GRID2: variants seen among roughly 807,000 people sequenced by gnomAD.
GRID2 encodes the protein glutamate receptor ionotropic, delta-2.
GRID2 carries 33 observed loss-of-function variants against 114.8 expected under a neutral mutation model. The observed-to-expected ratio is 0.29, with a 90% CI of 0.22 to 0.38. The LOEUF is 0.38. GRID2 is among the 10% of genes least tolerant of loss of function. The pLI, the probability that GRID2 is intolerant of heterozygous loss-of-function variation, is 1.00. For missense variants in GRID2, 1,184 were observed against 1,257.7 expected (o/e 0.94, Z 0.89); for synonymous variants, 505 against 449.9 (o/e 1.12, Z -1.55).
chr4:93,288,962 T>C (rs1753459802), intron 8 of GRID2, among the ~76,000 whole-genome samples: 1 of 152,228 alleles, frequency 6.6e-6, no homozygotes, highest in South Asian at 2.1e-4. Context: ...TTTCCTGCAA[T>C]TTTCTTTCAA....
At chr4:93,088,351 A>G (rs1200598306) in intron 3 of GRID2, among the ~76,000 whole-genome samples, 1 of 152,170 alleles carries the variant, frequency 6.6e-6, no homozygotes, top group Non-Finnish European at 1.5e-5. Flanking sequence ...GGAAATATTC[A>G]TTGCTCACTT....
intron 2 of GRID2, among the ~76,000 whole-genome samples, chr4:92,826,148 C>T (rs925925782): frequency 6.6e-6 from 1 of 152,110 alleles, no homozygotes; most frequent in Non-Finnish European, 1.5e-5. Flanking sequence ...TGCTCTGTCT[C>T]CTCCTTTCCT....
At chr4:93,004,772 C>T (rs767840037) in intron 2 of GRID2, among the ~76,000 whole-genome samples, 1 of 152,024 alleles carries the variant, frequency 6.6e-6, no homozygotes, top group African/African-American at 2.4e-5. Flanking sequence ...TGAAATTGTA[C>T]TTATCAAGGT....
intron 2 of GRID2, among the ~76,000 whole-genome samples, chr4:92,863,370 C>G (rs927646028): frequency 6.6e-6 from 1 of 152,102 alleles, no homozygotes; most frequent in South Asian, 2.1e-4. Context: ...GAAATAATCA[C>G]TTATTCACAC....
chr4:93,307,674 C>A (rs1283094238), intron 8 of GRID2, among the ~76,000 whole-genome samples: 1 of 152,022 alleles, frequency 6.6e-6, no homozygotes, highest in Non-Finnish European at 1.5e-5. Flanking sequence ...ACATAGTTTA[C>A]CCGAAATATA....
intron 2 of GRID2, among the ~76,000 whole-genome samples, chr4:92,620,401 A>G (rs1197355606): frequency 4.0e-5 from 6 of 151,830 alleles, no homozygotes; most frequent in Admixed American, 4.0e-4. Flanking sequence ...GAAAAAAGTA[A>G]GCTACTATGA....
intron 1 of GRID2, among the ~76,000 whole-genome samples, chr4:92,499,476 T>G (rs1723561835): frequency 6.6e-6 from 1 of 152,206 alleles, no homozygotes; most frequent in African/African-American, 2.4e-5. Flanking sequence ...ATTAATAGCT[T>G]TTACTTTATA....
intron 2 of GRID2, among the ~76,000 whole-genome samples, chr4:92,938,788 C>A (rs1035693673): frequency 7.6e-6 from 1 of 131,192 alleles, no homozygotes; most frequent in Admixed American, 9.4e-5. Context: ...TTATTCAATT[C>A]CCACCTATGA....
At chr4:92,991,332 A>G (rs1400152818) in intron 2 of GRID2, among the ~76,000 whole-genome samples, 1 of 152,212 alleles carries the variant, frequency 6.6e-6, no homozygotes. Context: ...GGCCAAAAAA[A>G]TTACTGTAGT....
At chr4:93,414,693 A>G (rs1002709635) in intron 9 of GRID2, among the ~76,000 whole-genome samples, 1 of 149,698 alleles carries the variant, frequency 6.7e-6, no homozygotes, top group African/African-American at 2.5e-5. Flanking sequence ...TTTTATATAT[A>G]TATATATATA....
At chr4:93,096,577 A>T (rs1167483871) in intron 3 of GRID2, among the ~76,000 whole-genome samples, 1 of 152,062 alleles carries the variant, frequency 6.6e-6, no homozygotes, top group African/African-American at 2.4e-5. Flanking sequence ...ATAAGAAGAT[A>T]TATAAATGGC....
chr4:93,244,130 G>C (rs1346768148), intron 8 of GRID2, among the ~76,000 whole-genome samples: 3 of 151,896 alleles, frequency 2.0e-5, no homozygotes, highest in Non-Finnish European at 4.4e-5. Flanking sequence ...TGTTAAGTTT[G>C]CCAGTGCTGC....
chr4:93,420,027 A>G (rs79345116), intron 9 of GRID2, among the ~76,000 whole-genome samples: 2,009 of 152,244 alleles, frequency 0.013, 22 homozygotes, highest in Middle Eastern at 0.058. Context: ...TAAATTACTG[A>G]TAAACATAGC....
intron 10 of GRID2, among the ~76,000 whole-genome samples, chr4:93,436,113 T>C (rs1721056258): frequency 6.6e-6 from 1 of 152,182 alleles, no homozygotes; most frequent in Admixed American, 6.5e-5. Context: ...AAAGATAATT[T>C]AATTCTCACA....
chr4:93,022,090 T>C (rs1723418661), intron 2 of GRID2, among the ~76,000 whole-genome samples: 1 of 151,672 alleles, frequency 6.6e-6, no homozygotes, highest in Non-Finnish European at 1.5e-5. Flanking sequence ...TATTCTTGAA[T>C]CTAAGATATT....
At chr4:93,165,396 A>G (rs1289479130) in intron 4 of GRID2, among the ~76,000 whole-genome samples, 1 of 150,792 alleles carries the variant, frequency 6.6e-6, no homozygotes, top group Non-Finnish European at 1.5e-5. Flanking sequence ...TAAAGATTAG[A>G]ATAAATGAAT....
chr4:93,298,796 A>T (rs1260591664), intron 8 of GRID2, among the ~76,000 whole-genome samples: 1 of 152,200 alleles, frequency 6.6e-6, no homozygotes, highest in Non-Finnish European at 1.5e-5. Context: ...TACAGAGGTA[A>T]CTTTCACATT....
chr4:92,678,039 T>A (rs1028967175), intron 2 of GRID2, among the ~76,000 whole-genome samples: 1 of 152,114 alleles, frequency 6.6e-6, no homozygotes, highest in African/African-American at 2.4e-5. Context: ...CCTTAGGGGC[T>A]TTGCACTCAT....
intron 13 of GRID2, among the ~76,000 whole-genome samples, chr4:93,572,315 G>C (rs1735999051): frequency 6.6e-6 from 1 of 152,118 alleles, no homozygotes; most frequent in Non-Finnish European, 1.5e-5. Context: ...CTATCAAGGT[G>C]ACCTAAGATA....
Sources: gnomAD v4.1 joint callset for allele counts (sites outside exome capture counted in the v4.1 genomes callset) on GRCh38, gnomAD v4.1.1 for gene constraint, MANE v1.5 for transcripts, NCBI Gene and HGNC (gene_info 2026-07-23, HGNC 2026-07-21) for gene names.